The following ABCA9 variants were observed in gnomAD, a reference collection of about 807,000 sequenced individuals.
The protein encoded by ABCA9 is ATP-binding cassette sub-family A member 9.
In ABCA9, 183 loss-of-function variants were observed where a neutral mutation model predicts 205.3. That is an observed-to-expected ratio of 0.89 (90% CI 0.79 to 1.01). The LOEUF is 1.01. ABCA9 is among the 50% of genes least tolerant of loss of function. The probability of loss-of-function intolerance (pLI) is 0.00; values close to 1 mark genes in which losing one functional copy is unlikely to be tolerated. For missense variants in ABCA9, 1,805 were observed against 1,912.4 expected (o/e 0.94, Z 1.05); for synonymous variants, 651 against 683.3 (o/e 0.95, Z 0.74).
At chr17:69,057,622 C>A (rs2072107829) in intron 1 of ABCA9, among the ~76,000 whole-genome samples, 1 of 152,198 alleles carries the variant, frequency 6.6e-6, no homozygotes, top group East Asian at 1.9e-4. Context: ...CCTACTACAA[C>A]ATAATGAAGG....
intron 31 of ABCA9, among the ~76,000 whole-genome samples, chr17:68,988,030 C>CTGGGATTACAG (rs1168953476): frequency 1.3e-5 from 2 of 152,164 alleles, no homozygotes; most frequent in African/African-American, 4.8e-5. Context: ...TCCCAAAGTT[C>CTGGGATTACAG]TGGGATTACA....
At chr17:69,070,784 G>A in the ABCA9 span, among the ~76,000 whole-genome samples, 1 of 152,186 alleles carries the variant, frequency 6.6e-6, no homozygotes, top group South Asian at 2.1e-4. Context: ...AGGAAGCCAA[G>A]TGGTCTAGCT....
In ABCA9 at chr17:69,029,302, T is replaced by A. The variant is rs1356398300; in HGVS notation, c.1446-75A>T. ...GATTGATAAGTCAAGTCTTTGAGGCTTAATCAAAGCCTCAAAGAAAATCTG... is the reference window on the plus strand; with the variant it reads ...GATTGATAAGTCAAGTCTTTGAGGCATAATCAAAGCCTCAAAGAAAATCTG... On this transcript the variant is annotated intron_variant, in intron 10 of 38. Coordinates refer to ENST00000340001, the MANE Select transcript of ABCA9 (RefSeq NM_080283.4). The A allele has an allele frequency of 4.6e-6, 4 of 867,594 alleles. No individual in the cohort carries two copies. In the African/African-American group the frequency reaches 7.0e-5, roughly 15 times the overall value. The allele number at this position is 867,594 out of a possible 1,614,324, so 53.7% of individuals were successfully genotyped here. A position where few individuals can be genotyped will look rare whatever the true frequency, so the allele number is the denominator to read the frequency against.
upstream of ABCA9, among the ~76,000 whole-genome samples, chr17:69,062,938 G>C (rs2072293229): frequency 6.6e-6 from 1 of 152,094 alleles, no homozygotes; most frequent in Admixed American, 6.5e-5. Context: ...ACTACATATA[G>C]CATTTATTGT....
rs1433488994 is a variant in ABCA9, at chr17:69,005,159, T to C, written c.3435+2600A>G. 5.9e-5 allele frequency among the ~76,000 whole-genome samples: 9 copies of C among 152,204 alleles called. 1 individual carries two copies. The South Asian group carries it at 6.2e-4, about 10-fold the overall frequency. On this transcript the variant is annotated intron_variant, in intron 25 of 38. Transcript: ENST00000340001. ...CTTGGCTCGTCCCTCCTGGCTTATC[T>C]TTTTCTCTGAGTAATATTTTGATGT... is the stretch of plus-strand genomic sequence containing the variant.
intron 22 of ABCA9, among the ~76,000 whole-genome samples, chr17:69,014,801 G>A (rs542292695): frequency 2.1e-4 from 32 of 152,118 alleles, no homozygotes; most frequent in Non-Finnish European, 4.1e-4. Context: ...TGAATTACCT[G>A]GAGGATGGAC....
Position 69,012,772 on chromosome 17 carries a change from T to A in ABCA9, c.3040-689A>T, listed in dbSNP as rs1209686559. Among the ~76,000 whole-genome samples, 3 of 152,278 alleles carry A rather than the reference T, an allele frequency of 2.0e-5. No individual in the cohort carries two copies. In the East Asian group the frequency reaches 5.8e-4, roughly 29 times the overall value. ...ACTCTTTTAGTTATTTTTAAGTATATGATTAAATTATTATTGACTAGAGTC... is the reference window on the plus strand; with the variant it reads ...ACTCTTTTAGTTATTTTTAAGTATAAGATTAAATTATTATTGACTAGAGTC... On this transcript the variant is annotated intron_variant, in intron 22 of 38. Coordinates refer to ENST00000340001, the MANE Select transcript of ABCA9 (RefSeq NM_080283.4).
intron 16 of ABCA9, among the ~76,000 whole-genome samples, chr17:69,024,823 G>A (rs1298436117): frequency 6.6e-6 from 1 of 152,132 alleles, no homozygotes; most frequent in Non-Finnish European, 1.5e-5. Context: ...TGCAGATTCT[G>A]CTAAAGCTAA....
intron 25 of ABCA9, among the ~76,000 whole-genome samples, chr17:69,000,905 C>G (rs1429713457): frequency 5.8e-5 from 8 of 138,472 alleles, no homozygotes; most frequent in Non-Finnish European, 8.8e-5. Flanking sequence ...GGAGTTCACT[C>G]ATGATTTGGC....
rs1472492765 is a variant in ABCA9, at chr17:68,986,233, C to T, written c.4139G>A (p.Arg1380Lys). The change falls in exon 32 of 39, where the codon AGG becomes AAG. Residue 1380 changes from arginine (R) to lysine (K), a missense_variant. By Grantham distance (26) the Arg-to-Lys change is conservative. Transcript: ENST00000340001. ...ENALWPNLTV[R>K]QHLEVYAAVK... ...GGCAGCGTACACCTCCAGGTGCTGCCTCACTGTCAGGTTGGGCCACAGCGC... is the reference window on the plus strand; with the variant it reads ...GGCAGCGTACACCTCCAGGTGCTGCTTCACTGTCAGGTTGGGCCACAGCGC... 6.2e-7 allele frequency: 1 copy of T among 1,614,068 alleles called. No individual in the cohort carries two copies. The highest frequency in any genetic ancestry group is 1.7e-5 in the Admixed American group (1 of 60,022).
Position 69,007,801 on chromosome 17 carries a change from A to G in ABCA9, c.3393T>C (p.Asn1131=), listed in dbSNP as rs1325480908. ...ACCAAATGCCACTATTTTTTCTCCC[A>G]TTGCGAAAAATGAATGAAATCACAT... ...LTYVISFIFR[N]GRKNSGIWSF... The change falls in exon 25 of 39, where the codon AAT becomes AAC. Residue 1131 remains asparagine, a synonymous_variant. Transcript: ENST00000340001. The G allele has an allele frequency of 6.2e-7, 1 of 1,610,962 alleles. No individual in the cohort carries two copies. Among genetic ancestry groups the G allele is most frequent in the Admixed American group, 1.7e-5 (1 of 59,970 alleles).
At chr17:69,046,316 T>G (rs141521568) in intron 3 of ABCA9, among the ~76,000 whole-genome samples, 2,429 of 152,290 alleles carry the variant, frequency 0.016, 33 homozygotes, top group Non-Finnish European at 0.023. Flanking sequence ...CCTGGTGCAA[T>G]TCAGCAAGTT....
Position 68,990,865 on chromosome 17 carries a change from T to C in ABCA9, c.3809A>G (p.Asn1270Ser). The change falls in exon 29 of 39, where the codon AAT becomes AGT. Residue 1270 changes from asparagine (N) to serine (S), a missense_variant. Coordinates refer to ENST00000340001, the MANE Select transcript of ABCA9 (RefSeq NM_080283.4). ...DIQMERMRTVNAMAVRDFDET... is the reference protein window; with the variant it reads ...DIQMERMRTVSAMAVRDFDET... The stretch of plus-strand genomic sequence containing the variant: ...ATCAAAGTCTCGCACAGCCATAGCA[T>C]TCACTGTTCTCATTCTTTCCATCTG... 6.2e-7 allele frequency: 1 copy of C among 1,613,944 alleles called. No individual in the cohort carries two copies. Among genetic ancestry groups the C allele is most frequent in the South Asian group, 1.1e-5 (1 of 91,062 alleles).
chr17:69,018,137 A>C (rs1206454203), intron 20 of ABCA9: 1 of 374,220 alleles, frequency 2.7e-6, no homozygotes, highest in Non-Finnish European at 4.7e-6. Flanking sequence ...AAAATGATAC[A>C]CAAAGACCTC....
chr17:68,994,350 A>G (rs2069549080), intron 26 of ABCA9, among the ~76,000 whole-genome samples: 1 of 152,202 alleles, frequency 6.6e-6, no homozygotes, highest in African/African-American at 2.4e-5. Flanking sequence ...CTTTTTATAT[A>G]GAACTACTGC....
chr17:68,998,419 T>A (rs8073997), intron 25 of ABCA9, among the ~76,000 whole-genome samples: 14,702 of 152,186 alleles, frequency 0.097, 1,564 homozygotes, highest in African/African-American at 0.26. Flanking sequence ...AAGTGACACA[T>A]GGAATTGTAG....
At chr17:68,979,581 C>G (rs1283178573) in intron 37 of ABCA9, among the ~76,000 whole-genome samples, 1 of 152,106 alleles carries the variant, frequency 6.6e-6, no homozygotes, top group Non-Finnish European at 1.5e-5. Context: ...GGTACCAAAA[C>G]AGAGATATAG....
At position 69,007,269 on chromosome 17, in the gene ABCA9, C is replaced by T. The variant is rs753544836; in HGVS notation, c.3435+490G>A. ...TACAAAAATTAGCCGGGTGTGGTGGCGCACACCTGTAATCCTAGCTACTCA... is the reference window on the plus strand; with the variant it reads ...TACAAAAATTAGCCGGGTGTGGTGGTGCACACCTGTAATCCTAGCTACTCA... On this transcript the variant is annotated intron_variant, in intron 25 of 38. Transcript: ENST00000340001. 2.4e-4 allele frequency among the ~76,000 whole-genome samples: 36 copies of T among 152,010 alleles called. No homozygotes were observed. In the East Asian group the frequency reaches 3.3e-3, roughly 14 times the overall value.
intron 1 of ABCA9, among the ~76,000 whole-genome samples, chr17:69,053,704 T>C (rs1366687248): frequency 6.6e-6 from 1 of 151,866 alleles, no homozygotes; most frequent in Non-Finnish European, 1.5e-5. Context: ...CAATTGAAAA[T>C]GTGTAACATA....
Sources: allele counts gnomAD v4.1 joint callset (sites outside exome capture counted in the v4.1 genomes callset), GRCh38; gene constraint gnomAD v4.1.1; transcripts MANE v1.5; gene names NCBI Gene and HGNC (gene_info 2026-07-23, HGNC 2026-07-21).